SYT6: variants seen among roughly 807,000 people sequenced by gnomAD.
SYT6 encodes synaptotagmin 6.
In SYT6, 24 loss-of-function variants were observed where a neutral mutation model predicts 38.4. That is an observed-to-expected ratio of 0.62 (90% CI 0.45 to 0.88). The LOEUF (loss-of-function observed/expected upper bound fraction) is 0.88, where lower values mean the gene tolerates loss of function less well. Ranked by LOEUF, SYT6 falls within the 40% of genes least tolerant of loss-of-function variation. The probability of loss-of-function intolerance (pLI) is 0.00; values close to 1 mark genes in which losing one functional copy is unlikely to be tolerated. For missense variants in SYT6, 611 were observed against 621.0 expected, an observed-to-expected ratio of 0.98 and a Z score of 0.17; for synonymous variants, 265 against 241.9, an observed-to-expected ratio of 1.10 and a Z score of -0.89.
chr1:114,104,112 C>T (rs1158287443), intron 3 of SYT6, among the ~76,000 whole-genome samples: 1 of 152,220 alleles, frequency 6.6e-6, no homozygotes, highest in African/African-American at 2.4e-5. Flanking sequence ...CCTTGACTTC[C>T]TGCCCATCCA....
intron 3 of SYT6, among the ~76,000 whole-genome samples, chr1:114,115,826 A>G (rs1246231661): frequency 6.6e-6 from 1 of 152,072 alleles, no homozygotes; most frequent in East Asian, 1.9e-4. Flanking sequence ...CTAGGGTCTC[A>G]TGTGCTAAGC....
chr1:114,144,222 C>A (rs1041944325), intron 1 of SYT6, among the ~76,000 whole-genome samples: 1 of 152,212 alleles, frequency 6.6e-6, no homozygotes, highest in Non-Finnish European at 1.5e-5. Flanking sequence ...TATGTCCTCA[C>A]CAGCTCAACC....
chr1:114,137,961 G>A lies in SYT6; in HGVS notation c.605C>T (p.Thr202Ile), dbSNP rs566054581. The A allele has an allele frequency of 4.3e-6, 7 of 1,614,058 alleles. No homozygotes were observed. The highest frequency in any genetic ancestry group is 2.2e-5 in the East Asian group (1 of 44,864). The change falls in exon 3 of 8, where the codon ACC becomes ATC. Residue 202 changes from threonine (T) to isoleucine (I), a missense_variant. Physicochemically the swap from Thr to Ile is moderately conservative, Grantham distance 89. Transcript: ENST00000610222. Reference protein sequence around the residue: ...NELPPAAEQPTSIGRIKPELY... With the variant: ...NELPPAAEQPISIGRIKPELY... Reference sequence around the variant, plus strand: ...CTCAGGCTTGATGCGGCCAATGCTGGTGGGCTGCTCTGCTGCTGGTGGAAG... The same window carrying A: ...CTCAGGCTTGATGCGGCCAATGCTGATGGGCTGCTCTGCTGCTGGTGGAAG...
chr1:114,126,952 G>C (rs1293423479), intron 3 of SYT6, among the ~76,000 whole-genome samples: 1 of 152,258 alleles, frequency 6.6e-6, no homozygotes, highest in Non-Finnish European at 1.5e-5. Context: ...TGTCTCCACT[G>C]TCTGGGCCTC....
intron 1 of SYT6, among the ~76,000 whole-genome samples, chr1:114,140,539 T>G (rs956815563): frequency 6.6e-6 from 1 of 152,076 alleles, no homozygotes; most frequent in African/African-American, 2.4e-5. Context: ...TGAGTTGACT[T>G]CAAGTGAATG....
At chr1:114,153,488 A>G in intron 1 of SYT6, 122 bp downstream of exon 1, 1 of 541,190 alleles carries the variant, frequency 1.8e-6, no homozygotes, top group Middle Eastern at 2.9e-4. Flanking sequence ...CTGGCTCCCA[A>G]TCCAGAATCC....
chr1:114,102,918 A>T (rs181757753), intron 4 of SYT6, among the ~76,000 whole-genome samples: 1 of 152,210 alleles, frequency 6.6e-6, no homozygotes, highest in Non-Finnish European at 1.5e-5. Context: ...AATTGTGGGG[A>T]AAGACTCAAA....
rs1342673996 is a variant in SYT6, at chr1:114,149,358, T to C, written c.163+4252A>G. On this transcript the variant is annotated intron_variant, in intron 1 of 7. Transcript: ENST00000610222. ...AACCGGTGTAATTAAAATTCAGGGC[T>C]GGGGGGAGGGGAGCAGAGGGCTTTT... Among the ~76,000 whole-genome samples, 4 of 75,192 alleles carry C rather than the reference T, an allele frequency of 5.3e-5. No homozygotes were observed. In the South Asian group the frequency reaches 1.5e-3, roughly 29 times the overall value. 49.3% of individuals were successfully genotyped at this position (75,192 alleles called of 152,430 possible). A position where few individuals can be genotyped will look rare whatever the true frequency, so the allele number is the denominator to read the frequency against.
intron 1 of SYT6, among the ~76,000 whole-genome samples, chr1:114,153,146 C>G (rs778462409): frequency 6.6e-6 from 1 of 152,190 alleles, no homozygotes; most frequent in African/African-American, 2.4e-5. Context: ...CCGCGTTCAC[C>G]GCGAGAACAC....
chr1:114,112,117 G>A (rs1362916226), intron 3 of SYT6, among the ~76,000 whole-genome samples: 1 of 152,200 alleles, frequency 6.6e-6, no homozygotes, highest in Non-Finnish European at 1.5e-5. Context: ...CAAGGGCCTT[G>A]CAGCATTATG....
intron 3 of SYT6, among the ~76,000 whole-genome samples, chr1:114,121,318 G>A (rs187912493): frequency 4.7e-4 from 72 of 152,224 alleles, no homozygotes; most frequent in Non-Finnish European, 9.3e-4. Context: ...TGCACACCTC[G>A]CACTCTCCTC....
intron 3 of SYT6, among the ~76,000 whole-genome samples, chr1:114,131,566 T>C (rs1185078330): frequency 5.3e-5 from 8 of 152,198 alleles, no homozygotes; most frequent in Non-Finnish European, 1.2e-4. Flanking sequence ...GTGTGCCTTG[T>C]GTATGAGGGG....
chr1:114,146,017 T>G (rs1679138913), intron 1 of SYT6, among the ~76,000 whole-genome samples: 1 of 152,148 alleles, frequency 6.6e-6, no homozygotes, highest in African/African-American at 2.4e-5. Context: ...CATGGTTTTT[T>G]GGAATCAGCA....
At chr1:114,128,920 T>C (rs548688988) in intron 3 of SYT6, among the ~76,000 whole-genome samples, 2 of 152,322 alleles carry the variant, frequency 1.3e-5, no homozygotes, top group South Asian at 2.1e-4. Flanking sequence ...TGACACCATT[T>C]ATATGCCGAC....
At chr1:114,092,302 G>T (rs1344353358) in intron 7 of SYT6, among the ~76,000 whole-genome samples, 3 of 133,082 alleles carry the variant, frequency 2.3e-5, no homozygotes, top group East Asian at 2.0e-4. Flanking sequence ...GATAATTAAA[G>T]CTTTCTTAAC....
intron 6 of SYT6, among the ~76,000 whole-genome samples, chr1:114,094,237 C>T (rs1000698546): frequency 3.9e-5 from 6 of 152,102 alleles, no homozygotes; most frequent in Non-Finnish European, 8.8e-5. Flanking sequence ...AATGGAAAGG[C>T]GAATGATTCC....
chr1:114,117,208 C>A (rs1305966189), intron 3 of SYT6, among the ~76,000 whole-genome samples: 2 of 152,214 alleles, frequency 1.3e-5, no homozygotes, highest in Non-Finnish European at 2.9e-5. Context: ...TATTGTCATG[C>A]TTGAGGTGGC....
rs753611915 is a variant in SYT6 at position 114,097,783 on chromosome 1, G to T, written c.1459C>A (p.Arg487=). The part of the protein sequence containing the change: ...DHWNEMLAYP[R]KPIAHWHSLV... ...GAGTGCCAGTGTGCGATGGGCTTCC[G>T]GGGGTATGCCAGCATCTCGTTCCAG... Residue 487 remains arginine (R), a synonymous_variant, in exon 6 of 8, where the codon CGG becomes AGG. Transcript: ENST00000610222. The T allele has an allele frequency of 9.3e-6, 15 of 1,614,058 alleles. No individual in the cohort carries two copies. In the East Asian group the frequency reaches 3.3e-4, roughly 36 times the overall value.
At chr1:114,131,254 A>G (rs969526108) in intron 3 of SYT6, among the ~76,000 whole-genome samples, 3 of 152,194 alleles carry the variant, frequency 2.0e-5, no homozygotes, top group Non-Finnish European at 4.4e-5. Context: ...TAGTTATTAT[A>G]CAAAGAAAAG....
Sources: allele counts gnomAD v4.1 joint callset (sites outside exome capture counted in the v4.1 genomes callset), GRCh38; gene constraint gnomAD v4.1.1; transcripts MANE v1.5; gene names NCBI Gene and HGNC (gene_info 2026-07-23, HGNC 2026-07-21).